Variants in RUNX1T1 observed in about 807,000 individuals in gnomAD.
RUNX1T1 encodes protein CBFA2T1.
RUNX1T1 carries 4 observed loss-of-function variants against 62.8 expected under a neutral mutation model. The observed-to-expected ratio is 0.06, with a 90% CI of 0.03 to 0.15. RUNX1T1 has a LOEUF of 0.15. Ranked by LOEUF, RUNX1T1 falls within the 10% of genes least tolerant of loss-of-function variation. The pLI, the probability that RUNX1T1 is intolerant of heterozygous loss-of-function variation, is 1.00. For missense variants in RUNX1T1, 508 were observed against 754.3 expected (o/e 0.67, Z 3.82); for synonymous variants, 291 against 286.0 (o/e 1.02, Z -0.18).
At chr8:91,960,395 G>A (rs747810094) in exon 11 of RUNX1T1, 3 of 1,614,142 alleles carry the variant, frequency 1.9e-6, no homozygotes, top group Non-Finnish European at 2.5e-6. Context: ...GGGCCTGCAG[G>A]GTCTGTCCAC....
chr8:92,043,900 C>T (rs2130196268), intron 1 of RUNX1T1, among the ~76,000 whole-genome samples: 1 of 151,330 alleles, frequency 6.6e-6, no homozygotes, highest in South Asian at 2.1e-4. Flanking sequence ...ATCGCTTGAA[C>T]CCAGGAGGCA....
chr8:92,053,428 G>A (rs1830531873), intron 1 of RUNX1T1, among the ~76,000 whole-genome samples: 1 of 152,154 alleles, frequency 6.6e-6, no homozygotes, highest in Admixed American at 6.5e-5. Flanking sequence ...GGTGGAGGGA[G>A]AGTCCATTTC....
intron 1 of RUNX1T1, among the ~76,000 whole-genome samples, chr8:92,083,562 C>T (rs2130837622): frequency 6.6e-6 from 1 of 152,260 alleles, no homozygotes; most frequent in South Asian, 2.1e-4. Context: ...CCATCTCACA[C>T]CAGTTAGAAT....
At chr8:91,979,664 T>A in intron 8 of RUNX1T1, 1 of 303,072 alleles carries the variant, frequency 3.3e-6, no homozygotes, top group East Asian at 5.4e-5. Flanking sequence ...ATAATTCACA[T>A]CTATGAAGAG....
At chr8:92,084,221 A>G (rs1180385726) in intron 1 of RUNX1T1, among the ~76,000 whole-genome samples, 1 of 150,850 alleles carries the variant, frequency 6.6e-6, no homozygotes. Context: ...CGTTCTGCAC[A>G]TATATCCCAG....
intron 5 of RUNX1T1, among the ~76,000 whole-genome samples, chr8:91,995,339 C>T (rs1818456614): frequency 6.6e-6 from 1 of 152,106 alleles, no homozygotes; most frequent in Non-Finnish European, 1.5e-5. Flanking sequence ...AAAGCAAGGG[C>T]AGTAATGTCC....
At position 91,970,043 on chromosome 8, in the gene RUNX1T1, T is replaced by TGTGTGTTG. The variant is rs11374252; in HGVS notation, c.1458+614_1458+615insCAACACAC. On this transcript the variant is annotated intron_variant, in intron 10 of 10. Coordinates refer to ENST00000396218, the Ensembl canonical transcript of RUNX1T1. ...CTGTGTGTGTGTGTGTGTGTGTGTG[T>TGTGTGTTG]TGTGTGTGTGTGTGTGAGAATTATT... is the stretch of plus-strand genomic sequence containing the variant. Among the ~76,000 whole-genome samples the TGTGTGTTG allele has an allele frequency of 3.1e-3, 438 of 142,802 alleles. 1 individual carries two copies. Among genetic ancestry groups the TGTGTGTTG allele is most frequent in the Non-Finnish European group, 4.7e-3 (310 of 66,088 alleles). 93.7% of individuals were successfully genotyped at this position (142,802 alleles called of 152,430 possible).
At position 92,091,440 on chromosome 8, in the gene RUNX1T1, ATTACTTTACCAGTAG is replaced by A. The variant is rs1436572161; in HGVS notation, c.-86+8125_-86+8139del. On this transcript the variant is annotated intron_variant, in intron 1 of 11. Coordinates refer to the RUNX1T1 transcript ENST00000265814. ...ACACTTTAAACATCAACCATGGGACATTACTTTACCAGTAGTTCTGATGTAAGAGCCTGGACATGA... is the reference window on the plus strand; with the variant it reads ...ACACTTTAAACATCAACCATGGGACATTCTGATGTAAGAGCCTGGACATGA... 1.2e-4 allele frequency among the ~76,000 whole-genome samples: 18 copies of A among 152,318 alleles called. 1 individual carries two copies. The South Asian group carries it at 3.7e-3, about 32-fold the overall frequency.
chr8:92,060,553 A>ATATGTG, intron 1 of RUNX1T1, among the ~76,000 whole-genome samples: 32 of 63,946 alleles, frequency 5.0e-4, no homozygotes, highest in Admixed American at 1.2e-3. Context: ...ATATATATAT[A>ATATGTG]TGTGTGTGTG....
At chr8:92,038,479 G>A (rs1427277188) in intron 1 of RUNX1T1, among the ~76,000 whole-genome samples, 3 of 152,122 alleles carry the variant, frequency 2.0e-5, no homozygotes, top group Non-Finnish European at 2.9e-5. Flanking sequence ...AGTTCATGCT[G>A]TGGTCAAGGT....
intron 6 of RUNX1T1, among the ~76,000 whole-genome samples, chr8:91,990,320 C>T (rs1057330668): frequency 3.3e-5 from 5 of 152,176 alleles, no homozygotes; most frequent in Admixed American, 3.3e-4. Context: ...TTTCCAGTGT[C>T]CAGGTCACTA....
At chr8:91,974,544 C>T (rs1813515214) in intron 9 of RUNX1T1, among the ~76,000 whole-genome samples, 1 of 152,064 alleles carries the variant, frequency 6.6e-6, no homozygotes, top group Non-Finnish European at 1.5e-5. Flanking sequence ...ATTTGTACCT[C>T]TTATTGGAAT....
At position 92,094,513 on chromosome 8, in the gene RUNX1T1, T is replaced by G. The variant is rs1837500514; in HGVS notation, c.-86+5067A>C. Among the ~76,000 whole-genome samples the G allele has an allele frequency of 2.0e-5, 3 of 152,138 alleles. No individual in the cohort carries two copies. In the South Asian group the frequency reaches 6.2e-4, roughly 32 times the overall value. On this transcript the variant is annotated intron_variant, in intron 1 of 11. Coordinates refer to the RUNX1T1 transcript ENST00000265814. ...ATTTTTTTTTCTCCTCTAGGCTGAG[T>G]TGAGCCATACTATAAAGTCAACTAA...
chr8:91,964,430 G>C (rs998574381), intron 10 of RUNX1T1, among the ~76,000 whole-genome samples: 1 of 152,036 alleles, frequency 6.6e-6, no homozygotes, highest in African/African-American at 2.4e-5. Context: ...TAGAATGATT[G>C]TAATTGAAAC....
intron 1 of RUNX1T1, among the ~76,000 whole-genome samples, chr8:92,080,406 G>T (rs1835065493): frequency 6.6e-6 from 1 of 152,184 alleles, no homozygotes; most frequent in Admixed American, 6.5e-5. Context: ...GCTGTATAGA[G>T]ATAGGGCAGC....
chr8:92,060,553 A>ATATGTGTGTGTGTGTGTG, intron 1 of RUNX1T1, among the ~76,000 whole-genome samples: 15 of 63,930 alleles, frequency 2.3e-4, no homozygotes, highest in African/African-American at 4.0e-4. Flanking sequence ...ATATATATAT[A>ATATGTGTGTGTGTGTGTG]TGTGTGTGTG....
intron 8 of RUNX1T1, 100 bp downstream of exon 9, chr8:91,986,024 A>C (rs1816483913): frequency 1.2e-6 from 1 of 866,824 alleles, no homozygotes. Context: ...ATTGTCTTAA[A>C]ATTCCTTGCA....
At chr8:92,098,175 G>A (rs1351233142) in intron 1 of RUNX1T1, among the ~76,000 whole-genome samples, 2 of 152,100 alleles carry the variant, frequency 1.3e-5, no homozygotes, top group Non-Finnish European at 2.9e-5. Context: ...TCCAACATAT[G>A]ACCATTATGG....
At chr8:91,991,675 T>G (rs758676567) in exon 6 of RUNX1T1, 34 of 1,613,968 alleles carry the variant, frequency 2.1e-5, no homozygotes, top group Admixed American at 3.3e-5. Context: ...TCCCTGTGGC[T>G]GGGGTGTCGA....
Sources: gnomAD v4.1 joint callset for allele counts (sites outside exome capture counted in the v4.1 genomes callset) on GRCh38, gnomAD v4.1.1 for gene constraint, MANE v1.5 for transcripts, NCBI Gene and HGNC (gene_info 2026-07-23, HGNC 2026-07-21) for gene names.